EVL: variants seen among roughly 807,000 people sequenced by gnomAD.
EVL encodes Enah/Vasp-like.
In EVL, 21 loss-of-function variants were observed where a neutral mutation model predicts 59.6. That is an observed-to-expected ratio of 0.35 (90% CI 0.25 to 0.51). The LOEUF is 0.51. EVL is among the 20% of genes least tolerant of loss of function. EVL has a pLI of 0.97. For missense variants in EVL, 462 were observed against 546.6 expected, an observed-to-expected ratio of 0.85 and a Z score of 1.54; for synonymous variants, 198 against 203.5, an observed-to-expected ratio of 0.97 and a Z score of 0.23.
At chr14:99,981,093 G>A (rs542912839) in intron 1 of EVL, among the ~76,000 whole-genome samples, 1 of 151,786 alleles carries the variant, frequency 6.6e-6, no homozygotes, top group Non-Finnish European at 1.5e-5. Flanking sequence ...AAAAGTGTAG[G>A]CATCTGCTTT....
chr14:100,080,631 T>G (rs2062278315), intron 1 of EVL, among the ~76,000 whole-genome samples: 1 of 152,210 alleles, frequency 6.6e-6, no homozygotes, highest in African/African-American at 2.4e-5. Flanking sequence ...CACAAATACA[T>G]GTACGAAGGC....
chr14:100,039,512 C>T (rs968206772), intron 1 of EVL, among the ~76,000 whole-genome samples: 1 of 152,226 alleles, frequency 6.6e-6, no homozygotes, highest in Non-Finnish European at 1.5e-5. Context: ...GCTGGGATTA[C>T]AGGCGTGAGC....
intron 1 of EVL, among the ~76,000 whole-genome samples, chr14:100,060,226 C>G (rs894034045): frequency 1.3e-5 from 2 of 151,466 alleles, no homozygotes; most frequent in East Asian, 1.9e-4. Context: ...GTCAGGAGAT[C>G]GAGACCATCC....
At chr14:100,136,352 A>C (rs1025152895) in intron 9 of EVL, among the ~76,000 whole-genome samples, 3 of 152,232 alleles carry the variant, frequency 2.0e-5, no homozygotes, top group African/African-American at 4.8e-5. Flanking sequence ...CATGTCTCCC[A>C]GTGAAACGCC....
intron 1 of EVL, among the ~76,000 whole-genome samples, chr14:100,076,779 A>C (rs1415189973): frequency 6.6e-6 from 1 of 152,122 alleles, no homozygotes; most frequent in African/African-American, 2.4e-5. Flanking sequence ...CCACAAGACT[A>C]AGCCAAGGGT....
At position 100,144,023 on chromosome 14, in the gene EVL, T is replaced by C. The variant is rs1889373494; in HGVS notation, c.*285T>C. The C allele has an allele frequency of 2.1e-6, 1 of 472,646 alleles. No homozygotes were observed. The highest frequency in any genetic ancestry group is 3.8e-6 in the Non-Finnish European group (1 of 265,912). 29.3% of individuals were successfully genotyped at this position (472,646 alleles called of 1,614,324 possible). ...TTCTTTGGGTTTCTAGAGACGCCCCTAAGTCACCTGCTTCATTAGACGGTT... is the reference window on the plus strand; with the variant it reads ...TTCTTTGGGTTTCTAGAGACGCCCCCAAGTCACCTGCTTCATTAGACGGTT... On this transcript the variant is annotated 3_prime_UTR_variant, in exon 14 of 14. Transcript: ENST00000392920.
chr14:100,031,785 C>T (rs1182735477), intron 1 of EVL, among the ~76,000 whole-genome samples: 1 of 152,226 alleles, frequency 6.6e-6, no homozygotes, highest in Non-Finnish European at 1.5e-5. Context: ...TTCATCAGCA[C>T]GAGTGCTAGA....
intron 1 of EVL, among the ~76,000 whole-genome samples, chr14:99,998,012 T>G (rs2060924695): frequency 6.6e-6 from 1 of 152,088 alleles, no homozygotes; most frequent in East Asian, 1.9e-4. Context: ...ATTTATTCAT[T>G]TATTTATTTT....
intron 2 of EVL, among the ~76,000 whole-genome samples, chr14:100,090,576 A>G (rs993806708): frequency 1.3e-5 from 2 of 152,232 alleles, no homozygotes; most frequent in African/African-American, 4.8e-5. Context: ...TAATGACTTG[A>G]ATCTAATAAT....
intron 1 of EVL, among the ~76,000 whole-genome samples, chr14:100,051,285 G>A (rs1005600038): frequency 1.3e-5 from 2 of 152,074 alleles, no homozygotes; most frequent in Admixed American, 6.5e-5. Flanking sequence ...TGCTGTCCAC[G>A]CTACCTGCTT....
intron 1 of EVL, among the ~76,000 whole-genome samples, chr14:100,039,036 A>G (rs1173049590): frequency 6.6e-6 from 1 of 152,156 alleles, no homozygotes; most frequent in African/African-American, 2.4e-5. Flanking sequence ...TAACCAAGTC[A>G]CCAAATAAGT....
intron 2 of EVL, among the ~76,000 whole-genome samples, chr14:100,094,857 C>T (rs1262544890): frequency 6.6e-6 from 1 of 152,038 alleles, no homozygotes; most frequent in Non-Finnish European, 1.5e-5. Context: ...CCAGCTAACA[C>T]AGTGAAGCCC....
chr14:100,119,628 C>T (rs1887570179), intron 3 of EVL, among the ~76,000 whole-genome samples: 1 of 152,254 alleles, frequency 6.6e-6, no homozygotes, highest in South Asian at 2.1e-4. Context: ...GAAAGATCAA[C>T]AGTGTGCTTT....
intron 1 of EVL, among the ~76,000 whole-genome samples, chr14:100,048,126 C>T (rs570348586): frequency 6.6e-6 from 1 of 152,286 alleles, no homozygotes; most frequent in Admixed American, 6.5e-5. Context: ...AATTGGACTT[C>T]ATCAAATTAA....
At chr14:100,088,200 CT>C (rs1320922342) in intron 2 of EVL, among the ~76,000 whole-genome samples, 1 of 152,198 alleles carries the variant, frequency 6.6e-6, no homozygotes, top group Non-Finnish European at 1.5e-5. Flanking sequence ...CAAGTAGAGA[CT>C]TGGATGAGAT....
chr14:100,049,949 A>G (rs750918012), intron 1 of EVL, among the ~76,000 whole-genome samples: 2 of 152,146 alleles, frequency 1.3e-5, no homozygotes, highest in African/African-American at 4.8e-5. Flanking sequence ...AATGTTCCCA[A>G]GGTTCATCCA....
At chr14:100,137,464 G>A in intron 9 of EVL, 114 bp from the exon 10 acceptor site, 1 of 1,119,664 alleles carries the variant, frequency 8.9e-7, no homozygotes, top group South Asian at 1.3e-5. Context: ...TCCTGCCACG[G>A]GGCTCTGCAC....
At chr14:99,997,449 C>T (rs947751928) in intron 1 of EVL, among the ~76,000 whole-genome samples, 1 of 152,204 alleles carries the variant, frequency 6.6e-6, no homozygotes, top group Non-Finnish European at 1.5e-5. Context: ...TGTCTTATGC[C>T]ACAGCTGGGC....
At chr14:100,047,118 C>CTCTTTTT (rs1566983192) in intron 1 of EVL, among the ~76,000 whole-genome samples, 2 of 23,892 alleles carry the variant, frequency 8.4e-5, no homozygotes, top group African/African-American at 2.7e-4. Flanking sequence ...ATCTCTCTCT[C>CTCTTTTT]TTTTTTTTTT....
Sources: gnomAD v4.1 joint callset for allele counts (sites outside exome capture counted in the v4.1 genomes callset) on GRCh38, gnomAD v4.1.1 for gene constraint, MANE v1.5 for transcripts, NCBI Gene and HGNC (gene_info 2026-07-23, HGNC 2026-07-21) for gene names.